The following VWA8 variants were observed in gnomAD, a reference collection of about 807,000 sequenced individuals.
The protein encoded by VWA8 is von Willebrand factor A domain containing 8.
Under a neutral mutation model 241.5 loss-of-function variants are expected in VWA8, and 221 were observed. That is an observed-to-expected ratio of 0.91 (90% CI 0.82 to 1.02). The LOEUF is 1.02. Among genes scored for constraint, VWA8 ranks in the 50% least tolerant of loss-of-function variants. The pLI is 0.00. For missense variants in VWA8, 2,322 were observed against 2,328.7 expected (o/e 1.00, Z 0.06); for synonymous variants, 852 against 827.1 (o/e 1.03, Z -0.52).
chr13:41,791,056 T>C (rs1241491665), intron 17 of VWA8, among the ~76,000 whole-genome samples: 1 of 151,998 alleles, frequency 6.6e-6, no homozygotes, highest in Non-Finnish European at 1.5e-5. Flanking sequence ...TATATCAATG[T>C]TTGTTTTAAA....
intron 19 of VWA8, among the ~76,000 whole-genome samples, chr13:41,781,151 C>T (rs1043950546): frequency 6.6e-6 from 1 of 152,170 alleles, no homozygotes; most frequent in East Asian, 1.9e-4. Context: ...TAAAATCTTT[C>T]AATAACTTCC....
intron 14 of VWA8, among the ~76,000 whole-genome samples, chr13:41,823,280 T>C (rs2137989802): frequency 6.6e-6 from 1 of 152,276 alleles, no homozygotes; most frequent in South Asian, 2.1e-4. Context: ...TCCAGTTATG[T>C]TCACCGCTAA....
chr13:41,729,557 T>C lies in VWA8; in HGVS notation c.2623A>G (p.Arg875Gly). The change falls in exon 23 of 45, where the codon AGA becomes GGA. Residue 875 changes from arginine (R) to glycine (G), a missense_variant. Physicochemically the swap from Arg to Gly is moderately radical, Grantham distance 125. Coordinates refer to ENST00000379310, the MANE Select transcript of VWA8 (RefSeq NM_015058.2). ...AAATACTCACTTGCAACAATGCGTCTTCCATCTGCTAGAATCATTTCTCCA... is the reference window on the plus strand; with the variant it reads ...AAATACTCACTTGCAACAATGCGTCCTCCATCTGCTAGAATCATTTCTCCA... ...ENGEMILADGRRIVANSANVN... is the reference protein window; with the variant it reads ...ENGEMILADGGRIVANSANVN... 6.2e-7 allele frequency: 1 copy of C among 1,611,884 alleles called. No homozygotes were observed. Among genetic ancestry groups the C allele is most frequent in the Non-Finnish European group, 8.5e-7 (1 of 1,179,108 alleles).
chr13:41,720,889 G>A (rs1374073728), intron 25 of VWA8, among the ~76,000 whole-genome samples: 2 of 152,048 alleles, frequency 1.3e-5, no homozygotes, highest in East Asian at 1.9e-4. Flanking sequence ...GTACATGGTC[G>A]CAGGAAATTT....
In VWA8 at chr13:41,614,571, G is replaced by T. The variant is rs1171669284; in HGVS notation, c.4720+405C>A. ...AGAAAGAATTTACTGTGGATTTCTG[G>T]CATGATCCCAAGGTCATGGAATTTA... On this transcript the variant is annotated intron_variant, in intron 38 of 44. Coordinates refer to ENST00000379310, the MANE Select transcript of VWA8 (RefSeq NM_015058.2). 2.0e-5 allele frequency among the ~76,000 whole-genome samples: 3 copies of T among 152,178 alleles called. No individual in the cohort carries two copies. In the East Asian group the frequency reaches 5.8e-4, roughly 29 times the overall value.
At position 41,868,171 on chromosome 13, in the gene VWA8, C is replaced by T. The variant is rs185189944; in HGVS notation, c.1212+175G>A. On this transcript the variant is annotated intron_variant, in intron 10 of 44. Transcript: ENST00000379310. ...ATGAAAGGCTTTCCCTATGTTTCTC[C>T]TGAACTTTTCCAGTTTATAAGCACA... Among the ~76,000 whole-genome samples the T allele has an allele frequency of 1.7e-3, 265 of 152,230 alleles. 1 individual carries two copies. Among genetic ancestry groups the T allele is most frequent in the South Asian group, 3.9e-3 (19 of 4,826 alleles).
At chr13:41,575,098 A>G (rs1168478553) in intron 43 of VWA8, among the ~76,000 whole-genome samples, 1 of 152,238 alleles carries the variant, frequency 6.6e-6, no homozygotes, top group Non-Finnish European at 1.5e-5. Flanking sequence ...TGAATAAAAT[A>G]ATGGCATTTG....
chr13:41,807,597 T>C (rs1382562335), intron 17 of VWA8: 1 of 152,196 alleles, frequency 6.6e-6, no homozygotes, highest in Admixed American at 6.5e-5. Context: ...AACCATGTGA[T>C]CACTTCAATT....
chr13:41,692,288 A>T (rs1030077260), intron 30 of VWA8, among the ~76,000 whole-genome samples: 1 of 151,964 alleles, frequency 6.6e-6, no homozygotes, highest in South Asian at 2.1e-4. Context: ...CATTTATGAC[A>T]TTAAAAAAAA....
intron 1 of VWA8, among the ~76,000 whole-genome samples, chr13:41,956,153 G>A (rs1487594285): frequency 6.6e-6 from 1 of 152,106 alleles, no homozygotes; most frequent in African/African-American, 2.4e-5. Context: ...ATTTTTTGTT[G>A]TGAGGGGCTG....
chr13:41,583,423 C>T (rs2044396469), intron 42 of VWA8, among the ~76,000 whole-genome samples: 3 of 152,074 alleles, frequency 2.0e-5, no homozygotes, highest in Non-Finnish European at 4.4e-5. Flanking sequence ...GCGGGCAGAA[C>T]ATGAGGTCAG....
chr13:41,830,038 C>G (rs1438620937), intron 14 of VWA8, among the ~76,000 whole-genome samples: 2 of 152,046 alleles, frequency 1.3e-5, no homozygotes, highest in African/African-American at 4.8e-5. Flanking sequence ...GTCAGGAGAT[C>G]GAGACCATCC....
chr13:41,819,254 A>C lies in VWA8; in HGVS notation c.1833T>G (p.Leu611=). 6.2e-7 allele frequency: 1 copy of C among 1,610,538 alleles called. No individual in the cohort carries two copies. Among genetic ancestry groups the C allele is most frequent in the Non-Finnish European group, 8.5e-7 (1 of 1,179,306 alleles). Residue 611 remains leucine (L), a synonymous_variant, in exon 15 of 45, where the codon CTT becomes CTG. Coordinates refer to ENST00000379310, the MANE Select transcript of VWA8 (RefSeq NM_015058.2). ...TMFFFHYMKP[L]VKSEEIQVIK... The stretch of plus-strand genomic sequence containing the variant: ...TCACTTGGATTTCTTCACTTTTCAC[A>C]AGTGGTTTCATGTAATGGAAAAAGA...
At chr13:41,638,488 G>C (rs1172118789) in intron 37 of VWA8, among the ~76,000 whole-genome samples, 1 of 152,182 alleles carries the variant, frequency 6.6e-6, no homozygotes, top group Non-Finnish European at 1.5e-5. Context: ...AAGCAGACAA[G>C]AGGGAAGCTG....
In VWA8 at chr13:41,783,800, T is replaced by C. The variant is rs754592077; in HGVS notation, c.2272A>G (p.Ile758Val). 6.2e-7 allele frequency: 1 copy of C among 1,611,328 alleles called. No homozygotes were observed. The highest frequency in any genetic ancestry group is 8.5e-7 in the Non-Finnish European group (1 of 1,178,010). ...KVPDVLFYDN[I>V]QHVIVMEDML... Reference sequence around the variant, plus strand: ...ACACAAAGCAATACTCTTACCTGAATGTTGTCATAGAAAAGAACATCAGGC... The same window carrying C: ...ACACAAAGCAATACTCTTACCTGAACGTTGTCATAGAAAAGAACATCAGGC... The change falls in exon 19 of 45, where the codon ATT (isoleucine) becomes GTT (valine). Residue 758 changes from isoleucine to valine, a missense_variant. Ile to Val is a conservative substitution (Grantham distance 29, BLOSUM62 3). Coordinates refer to ENST00000379310, the MANE Select transcript of VWA8 (RefSeq NM_015058.2).
At chr13:41,596,902 GTCTTATGATTTCAGCACTGAAAT>G (rs921576423) in intron 40 of VWA8, among the ~76,000 whole-genome samples, 4 of 151,236 alleles carry the variant, frequency 2.6e-5, no homozygotes, top group African/African-American at 4.9e-5. Context: ...GTGACACTTT[GTCTTATGATTTCAGCACTGAAAT>G]CATTCTGATT....
At chr13:41,876,021 A>G (rs1873882016) in intron 9 of VWA8, among the ~76,000 whole-genome samples, 1 of 152,188 alleles carries the variant, frequency 6.6e-6, no homozygotes, top group East Asian at 1.9e-4. Context: ...TTAACTCTGT[A>G]TCAACCCTAC....
chr13:41,729,940 G>A (rs181273527), intron 22 of VWA8, among the ~76,000 whole-genome samples: 1 of 151,698 alleles, frequency 6.6e-6, no homozygotes, highest in African/African-American at 2.4e-5. Context: ...TTTCATTTTA[G>A]TATTAAAATT....
rs183704758 is a variant in VWA8, at chr13:41,774,444, G to A, written c.2349+3541C>T. 3.6e-3 allele frequency among the ~76,000 whole-genome samples: 550 copies of A among 152,298 alleles called. 2 individuals carry two copies. The highest frequency in any genetic ancestry group is 0.013 in the African/African-American group (520 of 41,570). The stretch of plus-strand genomic sequence containing the variant: ...AGGCATGAGCCACTGCACCCAGCCA[G>A]GAATTTATTTCAGATAGTCCTTTAA... On this transcript the variant is annotated intron_variant, in intron 20 of 44. Coordinates refer to ENST00000379310, the MANE Select transcript of VWA8 (RefSeq NM_015058.2).
Sources: gnomAD v4.1 joint callset for allele counts (sites outside exome capture counted in the v4.1 genomes callset) on GRCh38, gnomAD v4.1.1 for gene constraint, MANE v1.5 for transcripts, NCBI Gene and HGNC (gene_info 2026-07-23, HGNC 2026-07-21) for gene names.